Variants in CA10 observed in about 807,000 individuals in gnomAD.
CA10 encodes the protein carbonic anhydrase 10 (inactive).
CA10 carries 14 observed loss-of-function variants against 44.2 expected under a neutral mutation model. The observed-to-expected ratio is 0.32, with a 90% CI of 0.21 to 0.50. CA10 has a LOEUF of 0.50. CA10 is among the 20% of genes least tolerant of loss of function. CA10 has a pLI of 0.99. For synonymous variants in CA10, 159 were observed against 141.6 expected, an observed-to-expected ratio of 1.12 and a Z score of -0.87; for missense variants, 350 against 409.7, an observed-to-expected ratio of 0.85 and a Z score of 1.26.
chr17:52,153,030 C>G (rs928796041), intron 1 of CA10, among the ~76,000 whole-genome samples: 2 of 151,966 alleles, frequency 1.3e-5, no homozygotes, highest in South Asian at 2.1e-4. Flanking sequence ...GACCTTAGTC[C>G]CAAGTATGTA....
chr17:51,637,375 A>G (rs953186618), intron 6 of CA10, among the ~76,000 whole-genome samples: 2 of 152,122 alleles, frequency 1.3e-5, no homozygotes, highest in African/African-American at 4.8e-5. Context: ...CATCCCAGTG[A>G]TTCCAGATCT....
intron 3 of CA10, among the ~76,000 whole-genome samples, chr17:51,871,394 ATTTTTTTTTTTT>A (rs11438821): frequency 1.2e-5 from 1 of 81,278 alleles, no homozygotes; most frequent in Admixed American, 1.7e-4. Context: ...ACCAGGCCTA[ATTTTTTTTTTTT>A]TTTTTTTTTT....
intron 3 of CA10, among the ~76,000 whole-genome samples, chr17:51,797,404 T>C (rs1171144416): frequency 3.3e-5 from 5 of 152,068 alleles, no homozygotes; most frequent in Non-Finnish European, 7.4e-5. Flanking sequence ...ACTCATGAGG[T>C]GACCTGACCT....
chr17:51,866,643 G>A (rs546952351), intron 3 of CA10, among the ~76,000 whole-genome samples: 4 of 152,234 alleles, frequency 2.6e-5, no homozygotes, highest in South Asian at 2.1e-4. Context: ...ATACCCGCTC[G>A]ACTTTATAAT....
intron 1 of CA10, among the ~76,000 whole-genome samples, chr17:52,129,074 G>A (rs947093958): frequency 6.6e-6 from 1 of 152,104 alleles, no homozygotes; most frequent in Non-Finnish European, 1.5e-5. Context: ...AGTGGCCCTC[G>A]TGTAAAGAAG....
chr17:51,705,330 C>G (rs1915730150), intron 4 of CA10, among the ~76,000 whole-genome samples: 1 of 152,272 alleles, frequency 6.6e-6, no homozygotes, highest in East Asian at 1.9e-4. Context: ...ACACATAGAT[C>G]AATGTTTCTT....
chr17:51,739,338 AATG>A (rs1904368332), intron 4 of CA10, among the ~76,000 whole-genome samples: 1 of 152,102 alleles, frequency 6.6e-6, no homozygotes, highest in African/African-American at 2.4e-5. Flanking sequence ...ACACTTGTAA[AATG>A]ATAATAGCCA....
At chr17:51,738,114 A>G (rs1916972898) in intron 4 of CA10, among the ~76,000 whole-genome samples, 1 of 152,242 alleles carries the variant, frequency 6.6e-6, no homozygotes, top group Non-Finnish European at 1.5e-5. Flanking sequence ...CATGAAATCA[A>G]GTAAATGGAA....
At chr17:51,990,466 C>G (rs1385731770) in intron 2 of CA10, among the ~76,000 whole-genome samples, 1 of 151,986 alleles carries the variant, frequency 6.6e-6, no homozygotes, top group East Asian at 1.9e-4. Flanking sequence ...CCTAACAGGT[C>G]TGAGTTTTAC....
At chr17:51,826,386 G>A (rs116646787) in intron 3 of CA10, among the ~76,000 whole-genome samples, 1 of 152,174 alleles carries the variant, frequency 6.6e-6, no homozygotes, top group Non-Finnish European at 1.5e-5. Flanking sequence ...GAGGAAAGCA[G>A]CTTCTTCTTG....
chr17:52,132,871 A>G (rs1233560042), intron 1 of CA10, among the ~76,000 whole-genome samples: 1 of 152,168 alleles, frequency 6.6e-6, no homozygotes, highest in African/African-American at 2.4e-5. Context: ...TCGTGGCTCA[A>G]CCGAGGCACA....
chr17:52,006,148 G>A (rs1217148462), intron 2 of CA10, among the ~76,000 whole-genome samples: 1 of 151,684 alleles, frequency 6.6e-6, no homozygotes, highest in Non-Finnish European at 1.5e-5. Flanking sequence ...TCTGTACAAG[G>A]AAGTAGCACC....
intron 4 of CA10, among the ~76,000 whole-genome samples, chr17:51,697,074 T>C (rs1357115441): frequency 1.4e-5 from 2 of 145,686 alleles, no homozygotes; most frequent in South Asian, 2.1e-4. Flanking sequence ...GAGGTAATAA[T>C]GCAACGTAAT....
At chr17:51,742,180 G>A (rs1298451980) in intron 4 of CA10, among the ~76,000 whole-genome samples, 1 of 152,152 alleles carries the variant, frequency 6.6e-6, no homozygotes, top group Non-Finnish European at 1.5e-5. Context: ...GTGGTGGATG[G>A]GGGAAGGGAG....
intron 3 of CA10, among the ~76,000 whole-genome samples, chr17:51,883,249 CTCTCT>C (rs1278489428): frequency 9.9e-5 from 15 of 152,110 alleles, no homozygotes; most frequent in Non-Finnish European, 1.6e-4. Context: ...AATTTTCTTT[CTCTCT>C]TCTAATTTTT....
At chr17:52,139,374 A>T (rs1989427856) in intron 1 of CA10, among the ~76,000 whole-genome samples, 1 of 152,084 alleles carries the variant, frequency 6.6e-6, no homozygotes, top group South Asian at 2.1e-4. Flanking sequence ...CTTTTTGCCT[A>T]CTGCCTCATT....
At chr17:51,934,284 A>G (rs1982778393) in intron 2 of CA10, among the ~76,000 whole-genome samples, 1 of 152,146 alleles carries the variant, frequency 6.6e-6, no homozygotes. Context: ...ACTCTAGGTC[A>G]CACAGCCAGG....
intron 3 of CA10, among the ~76,000 whole-genome samples, chr17:51,769,976 C>T (rs905620097): frequency 6.6e-6 from 1 of 152,036 alleles, no homozygotes; most frequent in Non-Finnish European, 1.5e-5. Context: ...TACTCTGAGT[C>T]TTTTTTAGGC....
At chr17:51,802,513 C>T (rs139618071) in intron 3 of CA10, among the ~76,000 whole-genome samples, 123 of 143,648 alleles carry the variant, frequency 8.6e-4, no homozygotes, top group African/African-American at 3.1e-3. Flanking sequence ...GCCTTCAGAC[C>T]GAGTCTAATG....
Sources: allele counts gnomAD v4.1 joint callset (sites outside exome capture counted in the v4.1 genomes callset), GRCh38; gene constraint gnomAD v4.1.1; transcripts MANE v1.5; gene names NCBI Gene and HGNC (gene_info 2026-07-23, HGNC 2026-07-21).